NEBL: variants seen among roughly 807,000 people sequenced by gnomAD.
NEBL encodes the protein nebulette, also known as LIM and SH3 protein 2.
Under a neutral mutation model 140.2 loss-of-function variants are expected in NEBL, and 122 were observed. That is an observed-to-expected ratio of 0.87 (90% CI 0.75 to 1.01). NEBL has a LOEUF of 1.01. NEBL is among the 50% of genes least tolerant of loss of function. The pLI, the probability that NEBL is intolerant of heterozygous loss-of-function variation, is 0.00. For synonymous variants in NEBL, 436 were observed against 398.9 expected (o/e 1.09, Z -1.11); for missense variants, 1,365 against 1,231.3 (o/e 1.11, Z -1.62).
intron 2 of NEBL, among the ~76,000 whole-genome samples, chr10:21,045,750 T>C (rs1203083710): frequency 1.3e-5 from 2 of 152,228 alleles, no homozygotes; most frequent in South Asian, 2.1e-4. Flanking sequence ...GAAACCCTTG[T>C]ACATTGTTGA....
chr10:20,876,212 TAC>T (rs1486344746), intron 5 of NEBL, among the ~76,000 whole-genome samples: 2 of 152,194 alleles, frequency 1.3e-5, no homozygotes, highest in South Asian at 2.1e-4. Context: ...AGGAGTAAAA[TAC>T]AGAGTTATGG....
intron 2 of NEBL, among the ~76,000 whole-genome samples, chr10:21,168,918 G>T (rs1047594555): frequency 6.7e-6 from 1 of 149,976 alleles, no homozygotes; most frequent in African/African-American, 2.4e-5. Flanking sequence ...GCTTGGTGGC[G>T]GGCGCCCCTA....
intron 1 of NEBL, among the ~76,000 whole-genome samples, chr10:21,270,368 A>T (rs1208844727): frequency 6.9e-6 from 1 of 144,366 alleles, no homozygotes; most frequent in Non-Finnish European, 1.5e-5. Context: ...TATTTTCCAT[A>T]TTTTTTTTTT....
At chr10:20,827,890 C>T (rs564110405) in intron 17 of NEBL, among the ~76,000 whole-genome samples, 2 of 152,022 alleles carry the variant, frequency 1.3e-5, no homozygotes, top group East Asian at 1.9e-4. Flanking sequence ...CATGGACACA[C>T]AGAGGCGAAC....
intron 3 of NEBL, among the ~76,000 whole-genome samples, chr10:21,239,363 A>G (rs1271617090): frequency 6.6e-6 from 1 of 152,106 alleles, no homozygotes; most frequent in Non-Finnish European, 1.5e-5. Context: ...AAGAGATCCA[A>G]TTATTTTTTC....
chr10:21,277,176 T>C (rs1842935844), intron 1 of NEBL, among the ~76,000 whole-genome samples: 2 of 150,994 alleles, frequency 1.3e-5, no homozygotes, highest in East Asian at 1.9e-4. Flanking sequence ...TGCAGGTATA[T>C]AGTCTGGAGC....
intron 5 of NEBL, 128 bp downstream of exon 5, chr10:20,880,666 G>A (rs1845933712): frequency 1.3e-6 from 1 of 754,668 alleles, no homozygotes; most frequent in African/African-American, 1.7e-5. Context: ...ACCTCTGACT[G>A]ATAAGAAATA....
chr10:20,916,161 T>C (rs137917266), intron 4 of NEBL, among the ~76,000 whole-genome samples: 72 of 152,274 alleles, frequency 4.7e-4, no homozygotes, highest in African/African-American at 1.6e-3. Context: ...GAGTGCAGAC[T>C]GCTAAATGTG....
At chr10:20,972,186 A>G (rs1836603292) in intron 3 of NEBL, among the ~76,000 whole-genome samples, 1 of 152,228 alleles carries the variant, frequency 6.6e-6, no homozygotes, top group Non-Finnish European at 1.5e-5. Flanking sequence ...AACAGTCATG[A>G]AAGTGAAAAT....
chr10:20,837,572 C>A (rs1279945075), intron 13 of NEBL, among the ~76,000 whole-genome samples: 1 of 152,134 alleles, frequency 6.6e-6, no homozygotes, highest in Non-Finnish European at 1.5e-5. Context: ...AGCAAGTCAC[C>A]CAGAAGATCT....
chr10:20,950,612 G>A (rs1337433508), intron 4 of NEBL, among the ~76,000 whole-genome samples: 2 of 152,210 alleles, frequency 1.3e-5, no homozygotes, highest in East Asian at 3.9e-4. Flanking sequence ...CAGACCCAAT[G>A]TTTCATGAAT....
chr10:20,855,956 T>C (rs1843036429), intron 9 of NEBL, among the ~76,000 whole-genome samples: 1 of 152,224 alleles, frequency 6.6e-6, no homozygotes, highest in South Asian at 2.1e-4. Context: ...TACATTAAAA[T>C]GTTAAAGTAG....
chr10:21,173,750 C>A lies in NEBL; in HGVS notation c.69+15G>T, dbSNP rs377648518. On this transcript the variant is annotated intron_variant, in intron 1 of 6. Transcript: ENST00000417816. The surrounding 1 kb of genome is among the most constrained non-coding windows in gnomAD (Gnocchi z 5.7). Reference sequence around the variant, plus strand: ...GCCCGGCAGGTCCAGGCTGGCCCGGCGCCCCCTCGCTCACCTTATCCAGGC... The same window carrying A: ...GCCCGGCAGGTCCAGGCTGGCCCGGAGCCCCCTCGCTCACCTTATCCAGGC... 147 of 1,612,548 alleles carry A rather than the reference C, an allele frequency of 9.1e-5. No individual in the cohort carries two copies. Among genetic ancestry groups the A allele is most frequent in the South Asian group, 7.7e-5 (7 of 91,084 alleles).
chr10:21,089,117 G>T (rs765769477), intron 2 of NEBL, among the ~76,000 whole-genome samples: 17 of 152,296 alleles, frequency 1.1e-4, no homozygotes, highest in Non-Finnish European at 1.8e-4. Flanking sequence ...GATTGTGTGG[G>T]AATTAAAGAA....
intron 3 of NEBL, among the ~76,000 whole-genome samples, chr10:21,001,549 T>C (rs1161525877): frequency 6.6e-6 from 1 of 152,100 alleles, no homozygotes; most frequent in African/African-American, 2.4e-5. Flanking sequence ...TTTTCAGTAA[T>C]TAGGAGGTAA....
rs1220839985 is a variant in NEBL, at chr10:20,889,055, T to C, written c.258+790A>G. On this transcript the variant is annotated intron_variant, in intron 3 of 27. Transcript: ENST00000377122. ...AACGTACTGATTTCATTCAAAATTG[T>C]TTCGCATTAGCAGAAATAATCCCAA... 2.0e-5 allele frequency among the ~76,000 whole-genome samples: 3 copies of C among 152,242 alleles called. No homozygotes were observed. The East Asian group carries it at 5.8e-4, about 29-fold the overall frequency.
intron 5 of NEBL, among the ~76,000 whole-genome samples, chr10:20,873,178 A>C (rs1045958974): frequency 6.6e-6 from 1 of 152,178 alleles, no homozygotes; most frequent in Non-Finnish European, 1.5e-5. Context: ...AACACAGCAG[A>C]AGAGAGGCTT....
At position 21,280,494 on chromosome 10, in the gene NEBL, T is replaced by C. The variant is rs117414661; in HGVS notation, n.182+12336A>G. On this transcript the variant is annotated intron_variant and non_coding_transcript_variant, in intron 1 of 8. Coordinates refer to the NEBL transcript ENST00000675702. ...GCAGATAGGAAGGTGGGAGGTTGTA[T>C]TGGGGGTGACTGAAAAAGACAGTGG... Among the ~76,000 whole-genome samples, 1,224 of 152,114 alleles carry C rather than the reference T, an allele frequency of 8.0e-3. 7 individuals are homozygous for C. Among genetic ancestry groups the C allele is most frequent in the South Asian group, 0.016 (79 of 4,816 alleles).
chr10:21,292,723 T>A (rs1468048119), intron 1 of NEBL, among the ~76,000 whole-genome samples: 1 of 152,202 alleles, frequency 6.6e-6, no homozygotes, highest in Non-Finnish European at 1.5e-5. Context: ...GATGAAGGTA[T>A]CTATCTTGTG....
Sources: gnomAD v4.1 joint callset for allele counts (sites outside exome capture counted in the v4.1 genomes callset) on GRCh38, gnomAD v4.1.1 for gene constraint, Gnocchi (gnomAD v3.1) non-coding constraint, MANE v1.5 for transcripts, NCBI Gene and HGNC (gene_info 2026-07-23, HGNC 2026-07-21) for gene names.